IGF2BP2: variants seen among roughly 807,000 people sequenced by gnomAD.
The protein encoded by IGF2BP2 is insulin like growth factor 2 mRNA binding protein 2.
A neutral mutation model predicts 75.8 loss-of-function variants in IGF2BP2; 17 were observed. The ratio of observed to expected loss-of-function variants is 0.22; its 90% CI spans 0.15 to 0.34. The LOEUF is 0.34. Ranked by LOEUF, IGF2BP2 falls within the 10% of genes least tolerant of loss-of-function variation. The pLI is 1.00. For synonymous variants in IGF2BP2, 288 were observed against 295.6 expected (o/e 0.97, Z 0.26); for missense variants, 516 against 772.4 (o/e 0.67, Z 3.93).
chr3:185,713,506 C>T (rs987483889), intron 2 of IGF2BP2: 1 of 519,662 alleles, frequency 1.9e-6, no homozygotes, highest in African/African-American at 1.9e-5. Context: ...AGATAGACTC[C>T]AAAGGCAGGG....
chr3:185,648,781 T>C (rs548543591), intron 14 of IGF2BP2, among the ~76,000 whole-genome samples: 3 of 152,308 alleles, frequency 2.0e-5, no homozygotes, highest in South Asian at 4.1e-4. Flanking sequence ...CAGTAGAAAA[T>C]GCAGATGATC....
chr3:185,758,402 T>G (rs1180262633), intron 2 of IGF2BP2, among the ~76,000 whole-genome samples: 1 of 152,222 alleles, frequency 6.6e-6, no homozygotes, highest in African/African-American at 2.4e-5. Context: ...GCACTAGTTA[T>G]GTGGAGAGAC....
chr3:185,763,148 T>TGGGAAG (rs1732602526), intron 2 of IGF2BP2, among the ~76,000 whole-genome samples: 1 of 152,154 alleles, frequency 6.6e-6, no homozygotes, highest in African/African-American at 2.4e-5. Flanking sequence ...GCACTGGTAT[T>TGGGAAG]TTTTTTAAAA....
intron 2 of IGF2BP2, among the ~76,000 whole-genome samples, chr3:185,732,846 C>T (rs907795936): frequency 2.6e-5 from 4 of 152,152 alleles, no homozygotes; most frequent in Admixed American, 6.5e-5. Flanking sequence ...GTTAGATAAT[C>T]CCCTGTAGGC....
Position 185,675,032 on chromosome 3 carries a change from T to A in IGF2BP2, c.1071+264A>T, listed in dbSNP as rs930214566. The A allele has an allele frequency of 1.6e-4, 25 of 158,834 alleles. No individual in the cohort carries two copies. In the South Asian group the frequency reaches 2.6e-3, roughly 16 times the overall value. 9.8% of individuals were successfully genotyped at this position (158,834 alleles called of 1,614,324 possible). On this transcript the variant is annotated intron_variant, in intron 9 of 15. Transcript: ENST00000382199. ...TTCTTTTTTTTTTTTTTTTTTTTTT[T>A]ATTCTTGCTTTTCTTAATAAACACT...
At chr3:185,662,161 G>C (rs1208297766) in intron 10 of IGF2BP2, among the ~76,000 whole-genome samples, 3 of 152,146 alleles carry the variant, frequency 2.0e-5, no homozygotes, top group Non-Finnish European at 2.9e-5. Context: ...AAATTAATTA[G>C]TGATAAATGA....
rs554754058 is a variant in IGF2BP2, at chr3:185,692,742, C to T, written c.361G>A (p.Ala121Thr). ...GTTGCATATGTGACGTTGACAACGG[C>T]GGTTTCTGTGTCTGTGTTGACTAGG... ...VEQVNTDTETAVVNVTYATRE... is the reference protein window; with the variant it reads ...VEQVNTDTETTVVNVTYATRE... The change falls in exon 5 of 16, where the codon GCC becomes ACC. Residue 121 changes from alanine (A) to threonine (T), a missense_variant. This residue lies in a region of IGF2BP2 where 312 missense variants were observed against 474.5 expected (regional missense o/e 0.66). Transcript: ENST00000382199. 8 of 1,613,952 alleles carry T rather than the reference C, an allele frequency of 5.0e-6. No homozygotes were observed. The highest frequency in any genetic ancestry group is 2.2e-5 in the East Asian group (1 of 44,872).
chr3:185,814,084 A>G (rs1388831173), intron 2 of IGF2BP2: 1 of 152,282 alleles, frequency 6.6e-6, no homozygotes, highest in East Asian at 1.9e-4. Context: ...AGTGAGGACC[A>G]GTCTTTGCCA....
chr3:185,669,058 A>G (rs1718111955), intron 10 of IGF2BP2, among the ~76,000 whole-genome samples: 1 of 152,218 alleles, frequency 6.6e-6, no homozygotes. Flanking sequence ...GTTTAGTCAT[A>G]TAATTTAAAA....
intron 12 of IGF2BP2, among the ~76,000 whole-genome samples, chr3:185,652,775 C>T (rs931383461): frequency 2.0e-4 from 30 of 152,234 alleles, no homozygotes; most frequent in African/African-American, 6.3e-4. Flanking sequence ...TTCCTCCCCT[C>T]GCTGTGCCTC....
At chr3:185,663,601 T>C (rs1440890192) in intron 10 of IGF2BP2, among the ~76,000 whole-genome samples, 2 of 152,154 alleles carry the variant, frequency 1.3e-5, no homozygotes, top group African/African-American at 4.8e-5. Flanking sequence ...TTAGGTGATA[T>C]TCTGAAGCAT....
chr3:185,706,383 C>G (rs1158936048), intron 2 of IGF2BP2, among the ~76,000 whole-genome samples: 1 of 152,096 alleles, frequency 6.6e-6, no homozygotes, highest in Middle Eastern at 3.2e-3. Context: ...GCCTGGGCAA[C>G]CGAGTACCGA....
intron 2 of IGF2BP2, among the ~76,000 whole-genome samples, chr3:185,812,161 TC>T (rs926352495): frequency 2.0e-5 from 3 of 152,194 alleles, no homozygotes; most frequent in African/African-American, 7.2e-5. Context: ...ACTCCTGTGT[TC>T]GTGGAGCCCC....
rs982091286 is a variant in IGF2BP2 at position 185,644,765 on chromosome 3, G to A, written c.*766C>T. 1 of 152,660 alleles carries A rather than the reference G, an allele frequency of 6.6e-6. No individual in the cohort carries two copies. Among genetic ancestry groups the A allele is most frequent in the African/African-American group, 2.4e-5 (1 of 41,428 alleles). 9.5% of individuals were successfully genotyped at this position (152,660 alleles called of 1,614,324 possible). On this transcript the variant is annotated 3_prime_UTR_variant, in exon 16 of 16. Coordinates refer to ENST00000382199, the MANE Select transcript of IGF2BP2 (RefSeq NM_006548.6). ...AAACCTGTGAAGCAAAGAGAAATGGGTGTATGAGCTAGACAGGCATGAGGA... is the reference window on the plus strand; with the variant it reads ...AAACCTGTGAAGCAAAGAGAAATGGATGTATGAGCTAGACAGGCATGAGGA...
At chr3:185,798,787 C>CTTTTTTTTTTTTTTTTTTTTTTT (rs1260800467) in intron 2 of IGF2BP2, among the ~76,000 whole-genome samples, 1 of 133,142 alleles carries the variant, frequency 7.5e-6, no homozygotes. Flanking sequence ...TTTCTTTTTT[C>CTTTTTTTTTTTTTTTTTTTTTTT]TTTTTTTCTT....
intron 2 of IGF2BP2, among the ~76,000 whole-genome samples, chr3:185,793,351 G>T (rs1389845360): frequency 6.6e-6 from 1 of 152,110 alleles, no homozygotes; most frequent in Non-Finnish European, 1.5e-5. Flanking sequence ...CAGGGATGTT[G>T]GGAGATCAGT....
intron 2 of IGF2BP2, among the ~76,000 whole-genome samples, chr3:185,806,044 T>C (rs1040870807): frequency 1.2e-4 from 19 of 152,076 alleles, no homozygotes; most frequent in Admixed American, 9.2e-4. Flanking sequence ...TCTCAGGTGA[T>C]CCACCCGCCT....
intron 13 of IGF2BP2, among the ~76,000 whole-genome samples, chr3:185,650,704 A>AT (rs1714452966): frequency 6.6e-6 from 1 of 152,034 alleles, no homozygotes; most frequent in South Asian, 2.1e-4. Context: ...AAAAAAAAAA[A>AT]ATATATCAAT....
chr3:185,757,758 A>C (rs1731831982), intron 2 of IGF2BP2, among the ~76,000 whole-genome samples: 2 of 152,244 alleles, frequency 1.3e-5, no homozygotes, highest in Middle Eastern at 3.4e-3. Context: ...CACTGTACCT[A>C]GCCTATAGCT....
Sources: gnomAD v4.1 joint callset for allele counts (sites outside exome capture counted in the v4.1 genomes callset) on GRCh38, gnomAD v4.1.1 for gene constraint, gnomAD v4.1.1 regional missense constraint, MANE v1.5 for transcripts, NCBI Gene and HGNC (gene_info 2026-07-23, HGNC 2026-07-21) for gene names.